Variants in GRID1 observed in about 807,000 individuals in gnomAD.
The protein encoded by GRID1 is glutamate receptor ionotropic, delta-1.
GRID1 carries 28 observed loss-of-function variants against 98.0 expected under a neutral mutation model. The observed-to-expected ratio is 0.29, with a 90% CI of 0.21 to 0.39. The LOEUF (loss-of-function observed/expected upper bound fraction) is 0.39, where lower values mean the gene tolerates loss of function less well. Ranked by LOEUF, GRID1 falls within the 10% of genes least tolerant of loss-of-function variation. GRID1 has a pLI of 1.00. For synonymous variants in GRID1, 553 were observed against 538.5 expected, an observed-to-expected ratio of 1.03 and a Z score of -0.37; for missense variants, 1,111 against 1,340.5, an observed-to-expected ratio of 0.83 and a Z score of 2.67.
At chr10:86,326,316 G>C (rs1046521908) in intron 2 of GRID1, among the ~76,000 whole-genome samples, 4 of 152,198 alleles carry the variant, frequency 2.6e-5, no homozygotes, top group African/African-American at 9.7e-5. Context: ...CCTTATCTAT[G>C]TATTCAAAGC....
intron 2 of GRID1, among the ~76,000 whole-genome samples, chr10:86,301,908 G>C (rs1408221749): frequency 6.6e-6 from 1 of 152,188 alleles, no homozygotes; most frequent in East Asian, 1.9e-4. Flanking sequence ...CATTGGTTTT[G>C]TACCTGAAAG....
intron 12 of GRID1, among the ~76,000 whole-genome samples, chr10:85,690,367 C>A (rs1321905173): frequency 2.6e-5 from 4 of 152,146 alleles, no homozygotes; most frequent in African/African-American, 9.7e-5. Context: ...AAGGTCAGCA[C>A]TTTATGACAT....
chr10:86,061,800 G>A (rs1334080148), intron 4 of GRID1, among the ~76,000 whole-genome samples: 1 of 152,158 alleles, frequency 6.6e-6, no homozygotes, highest in African/African-American at 2.4e-5. Flanking sequence ...ACCTCTCTAT[G>A]TCACGAGCCT....
At chr10:86,112,902 A>G (rs950846669) in intron 4 of GRID1, among the ~76,000 whole-genome samples, 13 of 152,092 alleles carry the variant, frequency 8.5e-5, no homozygotes, top group African/African-American at 2.9e-4. Flanking sequence ...GGCCAGGATT[A>G]CCCAAAATTA....
At chr10:85,787,561 TGTC>T (rs1256426583) in intron 8 of GRID1, among the ~76,000 whole-genome samples, 5 of 152,126 alleles carry the variant, frequency 3.3e-5, no homozygotes, top group Non-Finnish European at 5.9e-5. Context: ...AAGGGGCTGA[TGTC>T]GTGGGTGTCT....
chr10:85,985,567 C>A (rs540418730), intron 4 of GRID1, among the ~76,000 whole-genome samples: 1,641 of 152,294 alleles, frequency 0.011, no homozygotes, highest in African/African-American at 0.038. Flanking sequence ...CATCCTGGAA[C>A]CCCAGATGCA....
intron 2 of GRID1, among the ~76,000 whole-genome samples, chr10:86,207,820 C>T (rs61857810): frequency 0.011 from 1,601 of 152,032 alleles, 24 homozygotes; most frequent in Middle Eastern, 0.02. Flanking sequence ...TTAGTAGAGA[C>T]GGAGTTTCAC....
intron 4 of GRID1, among the ~76,000 whole-genome samples, chr10:85,929,164 T>A (rs74444897): frequency 2.6e-5 from 4 of 152,284 alleles, no homozygotes; most frequent in East Asian, 1.9e-4. Flanking sequence ...GAAACAGTTG[T>A]AGGATTTTGT....
Position 85,599,802 on chromosome 10 carries a change from A to AAAAATATAT in GRID1, c.*2470_*2471insATATATTTT. 4.3e-4 allele frequency: 28 copies of AAAAATATAT among 64,980 alleles called. No homozygotes were observed. Among genetic ancestry groups the AAAAATATAT allele is most frequent in the African/African-American group, 2.1e-3 (23 of 10,730 alleles). 4.0% of individuals were successfully genotyped at this position (64,980 alleles called of 1,614,324 possible). On this transcript the variant is annotated 3_prime_UTR_variant, in exon 16 of 16. Transcript: ENST00000327946. ...GTAGAAAATTCTAAAAAAAAAAAAA[A>AAAAATATAT]ATATATATATATATATATAAACATG...
At chr10:86,295,248 T>C (rs1020141611) in intron 2 of GRID1, among the ~76,000 whole-genome samples, 2 of 152,054 alleles carry the variant, frequency 1.3e-5, no homozygotes, top group African/African-American at 2.4e-5. Flanking sequence ...GATAACACAG[T>C]GTCCTTATGA....
chr10:85,696,326 T>C (rs1157885970), intron 12 of GRID1, among the ~76,000 whole-genome samples: 1 of 151,832 alleles, frequency 6.6e-6, no homozygotes, highest in African/African-American at 2.4e-5. Flanking sequence ...AGAAAGGTGA[T>C]TTAAATTAAG....
intron 2 of GRID1, among the ~76,000 whole-genome samples, chr10:86,334,105 C>T (rs953306803): frequency 2.0e-5 from 3 of 152,018 alleles, no homozygotes; most frequent in Non-Finnish European, 4.4e-5. Context: ...CCACACCTGG[C>T]CCCCTAGTCC....
At chr10:86,018,261 A>G (rs1843004410) in intron 4 of GRID1, among the ~76,000 whole-genome samples, 1 of 152,296 alleles carries the variant, frequency 6.6e-6, no homozygotes, top group South Asian at 2.1e-4. Flanking sequence ...ATGAGCCACA[A>G]CCAAACCCTG....
chr10:85,940,117 G>T (rs1589306613), intron 4 of GRID1, among the ~76,000 whole-genome samples: 1 of 151,526 alleles, frequency 6.6e-6, no homozygotes, highest in African/African-American at 2.4e-5. Context: ...TGTGGGCAGG[G>T]GGCATTGTTC....
At chr10:85,932,141 A>T (rs1041380275) in intron 4 of GRID1, among the ~76,000 whole-genome samples, 1 of 152,154 alleles carries the variant, frequency 6.6e-6, no homozygotes, top group Admixed American at 6.5e-5. Context: ...CTCACCCCAC[A>T]ATAGTATCTT....
At chr10:85,948,659 T>A (rs1157776104) in intron 4 of GRID1, among the ~76,000 whole-genome samples, 1 of 152,228 alleles carries the variant, frequency 6.6e-6, no homozygotes, top group Non-Finnish European at 1.5e-5. Flanking sequence ...AGGTCACATA[T>A]AACACAAACT....
chr10:86,027,179 C>A (rs1195482298), intron 4 of GRID1, among the ~76,000 whole-genome samples: 2 of 152,186 alleles, frequency 1.3e-5, no homozygotes, highest in Non-Finnish European at 2.9e-5. Flanking sequence ...TTTAATACAT[C>A]AACTGTGTCT....
At chr10:85,972,336 C>A (rs972824525) in intron 4 of GRID1, among the ~76,000 whole-genome samples, 1 of 151,226 alleles carries the variant, frequency 6.6e-6, no homozygotes, top group Non-Finnish European at 1.5e-5. Context: ...TGAAACAACC[C>A]TAATGGAAAT....
chr10:85,901,914 C>A (rs1046168150), intron 5 of GRID1, among the ~76,000 whole-genome samples: 2 of 152,168 alleles, frequency 1.3e-5, no homozygotes, highest in South Asian at 4.1e-4. Context: ...GGTTCCTTTA[C>A]GGCTGAGAAA....
Sources: gnomAD v4.1 joint callset for allele counts (sites outside exome capture counted in the v4.1 genomes callset) on GRCh38, gnomAD v4.1.1 for gene constraint, MANE v1.5 for transcripts, NCBI Gene and HGNC (gene_info 2026-07-23, HGNC 2026-07-21) for gene names.